MITD1: variants seen among roughly 807,000 people sequenced by gnomAD.
The protein encoded by MITD1 is microtubule interacting and trafficking domain containing 1.
A neutral mutation model predicts 34.9 loss-of-function variants in MITD1; 24 were observed. The ratio of observed to expected loss-of-function variants is 0.69; its 90% CI spans 0.50 to 0.97. The LOEUF (loss-of-function observed/expected upper bound fraction) is 0.97, where lower values mean the gene tolerates loss of function less well. MITD1 is among the 50% of genes least tolerant of loss of function. MITD1 has a pLI of 0.00. For missense variants in MITD1, 266 were observed against 294.6 expected (o/e 0.90, Z 0.71); for synonymous variants, 102 against 101.4 (o/e 1.01, Z -0.04).
chr2:99,163,195 A>C (rs1374965511), intron 7 of MITD1: 7 of 642,526 alleles, frequency 1.1e-5, no homozygotes, highest in South Asian at 3.6e-5. Flanking sequence ...AAAAAAACAA[A>C]ACACAACAAC....
downstream of MITD1, among the ~76,000 whole-genome samples, chr2:99,167,736 G>C (rs1013497332): frequency 6.6e-6 from 1 of 152,162 alleles, no homozygotes; most frequent in Admixed American, 6.5e-5. Context: ...CTTCGGATCA[G>C]GCCAACACTT....
chr2:99,174,669 CA>C (rs1346236396), intron 1 of MITD1, among the ~76,000 whole-genome samples: 1 of 152,192 alleles, frequency 6.6e-6, no homozygotes, highest in African/African-American at 2.4e-5. Flanking sequence ...CGGCTCTCTG[CA>C]ACCTCCACCT....
chr2:99,162,574 C>T (rs761830524), intron 7 of MITD1: 6 of 1,614,136 alleles, frequency 3.7e-6, no homozygotes, highest in Non-Finnish European at 5.1e-6. Context: ...AATGCCACTG[C>T]TAGCATACCT....
intron 1 of MITD1, among the ~76,000 whole-genome samples, chr2:99,174,277 A>G (rs896699246): frequency 8.5e-5 from 13 of 152,162 alleles, no homozygotes; most frequent in Non-Finnish European, 1.6e-4. Flanking sequence ...ATCTGGTGGG[A>G]TGAAAGGTGG....
chr2:99,162,830 G>A lies in MITD1; in HGVS notation c.*4-612C>T, dbSNP rs776085015. 34 of 1,613,792 alleles carry A rather than the reference G, an allele frequency of 2.1e-5. No homozygotes were observed. In the East Asian group the frequency reaches 7.1e-4, roughly 34 times the overall value. ...CTTCCTTTCATGTGTTATATGAACA[G>A]TCACACTTGGAAATTAAAGTATTCA... is the stretch of plus-strand genomic sequence containing the variant. On this transcript the variant is annotated intron_variant, in intron 7 of 7. Transcript: ENST00000422537.
chr2:99,165,443 G>A (rs185067956), downstream of MITD1, among the ~76,000 whole-genome samples: 1 of 152,210 alleles, frequency 6.6e-6, no homozygotes, highest in East Asian at 1.9e-4. Context: ...TCAAAAGTTA[G>A]GTTGGGGTGT....
At chr2:99,162,515 G>C in intron 7 of MITD1, 1 of 1,614,122 alleles carries the variant, frequency 6.2e-7, no homozygotes, top group South Asian at 1.1e-5. Context: ...GTACTGATGG[G>C]ACGTTCTTGT....
intron 2 of MITD1, 33 bp downstream of exon 2, chr2:99,173,882 T>G: frequency 7.5e-7 from 1 of 1,327,958 alleles, no homozygotes; most frequent in Non-Finnish European, 1.1e-6. Context: ...TCACAGTTGT[T>G]TATGGATGCA....
chr2:99,163,352 CAG>C (rs1378890919), intron 7 of MITD1, among the ~76,000 whole-genome samples: 2 of 151,892 alleles, frequency 1.3e-5, no homozygotes. Flanking sequence ...TATTTTGAGA[CAG>C]AGACTCACTC....
At chr2:99,170,216 T>C (rs1314370210) in intron 5 of MITD1, among the ~76,000 whole-genome samples, 1 of 152,112 alleles carries the variant, frequency 6.6e-6, no homozygotes, top group African/African-American at 2.4e-5. Flanking sequence ...CACTAGAAAA[T>C]AAATTATCCT....
At chr2:99,166,519 CTT>C (rs2093827820), downstream of MITD1, among the ~76,000 whole-genome samples, 3 of 148,720 alleles carry the variant, frequency 2.0e-5, no homozygotes, top group African/African-American at 7.4e-5. Context: ...AGAGAACACT[CTT>C]TGAAGAAATT....
intron 1 of MITD1, among the ~76,000 whole-genome samples, chr2:99,175,656 A>G (rs1289123952): frequency 2.0e-5 from 3 of 152,192 alleles, no homozygotes; most frequent in Non-Finnish European, 4.4e-5. Context: ...TTCTCCCACT[A>G]ATTTTAGCAT....
At chr2:99,176,902 C>A (rs956323966) in intron 1 of MITD1, among the ~76,000 whole-genome samples, 3 of 152,106 alleles carry the variant, frequency 2.0e-5, no homozygotes, top group African/African-American at 7.2e-5. Context: ...TTCTGGGTGC[C>A]AGCTGTGTTC....
chr2:99,167,336 C>T (rs979296719), downstream of MITD1, among the ~76,000 whole-genome samples: 1 of 152,024 alleles, frequency 6.6e-6, no homozygotes, highest in Admixed American at 6.6e-5. Flanking sequence ...CTTTTATGTC[C>T]CTCCATAAAG....
At position 99,170,533 on chromosome 2, in the gene MITD1, T is replaced by C; in HGVS notation, c.593+4A>G. ...TAAAAATTAAAACATTATTGTAGAC[T>C]AACCTAATTTCTCGGTCATGTATTG... On this transcript the variant is annotated splice_donor_region_variant and intron_variant, in intron 5 of 6. Transcript: ENST00000289359. 1 of 1,381,936 alleles carries C rather than the reference T, an allele frequency of 7.2e-7. No homozygotes were observed. Among genetic ancestry groups the C allele is most frequent in the Non-Finnish European group, 1.0e-6 (1 of 984,370 alleles). The allele number at this position is 1,381,936 out of a possible 1,614,324, so 85.6% of individuals were successfully genotyped here.
chr2:99,168,032 T>C (rs1032120757), downstream of MITD1, among the ~76,000 whole-genome samples: 7 of 152,208 alleles, frequency 4.6e-5, no homozygotes, highest in African/African-American at 1.7e-4. Flanking sequence ...CTGTTTTAAC[T>C]CTGTTGAATA....
downstream of MITD1, among the ~76,000 whole-genome samples, chr2:99,167,859 TA>T (rs780156429): frequency 1.3e-5 from 2 of 151,704 alleles, no homozygotes; most frequent in Non-Finnish European, 2.9e-5. Context: ...TGAAAAGATT[TA>T]AAAAAAAATC....
chr2:99,173,114 A>G (rs1359636716), intron 2 of MITD1: 3 of 158,834 alleles, frequency 1.9e-5, no homozygotes, highest in Non-Finnish European at 4.2e-5. Flanking sequence ...ATTTCATTCT[A>G]AATTTCAAAT....
At chr2:99,180,764 T>G (rs1425579322) in intron 1 of MITD1, 67 bp downstream of exon 1, 9 of 1,361,096 alleles carry the variant, frequency 6.6e-6, no homozygotes, top group Non-Finnish European at 9.3e-6. Context: ...CTCTTTCACT[T>G]CACCCCAGAC....
Sources: allele counts gnomAD v4.1 joint callset (sites outside exome capture counted in the v4.1 genomes callset), GRCh38; gene constraint gnomAD v4.1.1; transcripts MANE v1.5; gene names NCBI Gene and HGNC (gene_info 2026-07-23, HGNC 2026-07-21).